APOD: variants seen among roughly 807,000 people sequenced by gnomAD.
The protein encoded by APOD is apo-D.
APOD carries 22 observed loss-of-function variants against 20.4 expected under a neutral mutation model. The ratio of observed to expected loss-of-function variants is 1.08; its 90% confidence interval spans 0.77 to 1.54. APOD has a LOEUF of 1.54. APOD is among the 40% of genes most tolerant of loss of function. APOD has a pLI of 0.00. For missense variants in APOD, 223 were observed against 229.6 expected, an observed-to-expected ratio of 0.97 and a Z score of 0.19; for synonymous variants, 97 against 92.4, an observed-to-expected ratio of 1.05 and a Z score of -0.29.
At chr3:195,579,024 C>A (rs1310677881) in intron 2 of APOD, among the ~76,000 whole-genome samples, 1 of 152,174 alleles carries the variant, frequency 6.6e-6, no homozygotes. Context: ...GGGGCATGCT[C>A]CACGTGTCCT....
chr3:195,573,747 G>A (rs904790703), intron 3 of APOD, 103 bp downstream of exon 3: 23 of 1,447,344 alleles, frequency 1.6e-5, no homozygotes, highest in African/African-American at 1.1e-4. Flanking sequence ...AGGCAGTCCC[G>A]ATCCAGCAAG....
At chr3:195,581,191 G>A (rs1009347083) in intron 1 of APOD, among the ~76,000 whole-genome samples, 4 of 152,166 alleles carry the variant, frequency 2.6e-5, no homozygotes, top group African/African-American at 9.7e-5. Flanking sequence ...TGTAAGGAGT[G>A]GCAGCTTGCC....
At chr3:195,581,646 T>G (rs75817880) in intron 1 of APOD, among the ~76,000 whole-genome samples, 24,228 of 152,212 alleles carry the variant, frequency 0.16, 2,410 homozygotes, top group Non-Finnish European at 0.23. Flanking sequence ...CGAATCTGCT[T>G]CTTCTGTGCA....
At chr3:195,569,737 T>C (rs999941526) in intron 4 of APOD, among the ~76,000 whole-genome samples, 2 of 151,324 alleles carry the variant, frequency 1.3e-5, no homozygotes, top group Non-Finnish European at 2.9e-5. Context: ...CCCCTCTTCA[T>C]GTACACTCCC....
At chr3:195,573,705 C>G (rs1257263760) in intron 3 of APOD, 145 bp downstream of exon 3, 17 of 1,092,368 alleles carry the variant, frequency 1.6e-5, no homozygotes, top group Non-Finnish European at 2.1e-5. Context: ...CCTTGCCTGC[C>G]AAACGCTTTC....
chr3:195,571,077 C>A, intron 4 of APOD, 200 bp downstream of exon 4: 1 of 601,384 alleles, frequency 1.7e-6, no homozygotes, highest in Non-Finnish European at 3.0e-6. Flanking sequence ...ATGTGAGCTC[C>A]ATAAGTACCA....
rs189499801 is a variant in APOD at position 195,577,012 on chromosome 3, C to T, written c.123+2327G>A. On this transcript the variant is annotated intron_variant, in intron 2 of 4. Coordinates refer to ENST00000343267, the MANE Select transcript of APOD (RefSeq NM_001647.4). Reference sequence around the variant, plus strand: ...CCAGCCTGGGCAACATGGTGAAACCCCGTCTTTACTAAAATACAAAAAAAC... The same window carrying T: ...CCAGCCTGGGCAACATGGTGAAACCTCGTCTTTACTAAAATACAAAAAAAC... 246 of 204,318 alleles carry T rather than the reference C, an allele frequency of 1.2e-3. 1 individual carries two copies. Among genetic ancestry groups the T allele is most frequent in the African/African-American group, 5.5e-3 (229 of 41,830 alleles). 12.7% of individuals were successfully genotyped at this position (204,318 alleles called of 1,614,324 possible). A position where few individuals can be genotyped will look rare whatever the true frequency, so the allele number is the denominator to read the frequency against.
chr3:195,571,147 G>C (rs892718428), intron 4 of APOD, 130 bp downstream of exon 4: 1 of 840,474 alleles, frequency 1.2e-6, no homozygotes, highest in Non-Finnish European at 2.0e-6. Context: ...GTAAGTGTTT[G>C]ACAGATAATT....
At chr3:195,570,183 G>T (rs989775579) in intron 4 of APOD, among the ~76,000 whole-genome samples, 1 of 151,982 alleles carries the variant, frequency 6.6e-6, no homozygotes, top group African/African-American at 2.4e-5. Context: ...TCCAATCCCC[G>T]TCCCTGATCC....
chr3:195,577,161 T>A (rs1560046185), intron 2 of APOD: 1 of 349,498 alleles, frequency 2.9e-6, no homozygotes, highest in Non-Finnish European at 5.5e-6. Context: ...CACTCCACCC[T>A]GGGTGACAAA....
chr3:195,578,870 CT>C (rs1720289498), intron 2 of APOD, among the ~76,000 whole-genome samples: 1 of 152,216 alleles, frequency 6.6e-6, no homozygotes, highest in Non-Finnish European at 1.5e-5. Context: ...CAGCCCACCT[CT>C]GAGTTCACCG....
At chr3:195,580,885 G>A (rs931901565) in intron 1 of APOD, among the ~76,000 whole-genome samples, 1 of 152,182 alleles carries the variant, frequency 6.6e-6, no homozygotes, top group African/African-American at 2.4e-5. Flanking sequence ...TCTGGGCATT[G>A]GAAGCTCCCC....
intron 4 of APOD, chr3:195,570,760 C>G (rs1221124656): frequency 6.2e-6 from 1 of 161,572 alleles, no homozygotes; most frequent in Non-Finnish European, 1.4e-5. Context: ...TCAGTTAGCT[C>G]AGAACCCAGA....
intron 3 of APOD, 71 bp from the exon 4 acceptor site, chr3:195,571,436 A>G: frequency 7.0e-7 from 1 of 1,435,774 alleles, no homozygotes. Context: ...ATTGAAAGCC[A>G]ATAAGCAACG....
At chr3:195,578,037 C>CCA (rs1720275189) in intron 2 of APOD, among the ~76,000 whole-genome samples, 1 of 152,180 alleles carries the variant, frequency 6.6e-6, no homozygotes, top group Non-Finnish European at 1.5e-5. Context: ...TGAAAAGCTA[C>CCA]TTTAAACAAG....
chr3:195,575,905 CG>C (rs1478506126), intron 2 of APOD, among the ~76,000 whole-genome samples: 1 of 152,124 alleles, frequency 6.6e-6, no homozygotes, highest in Non-Finnish European at 1.5e-5. Flanking sequence ...GGATTACAGG[CG>C]TGAGCCACCG....
At chr3:195,579,272 C>T in intron 2 of APOD, 67 bp downstream of exon 2, 1 of 1,598,508 alleles carries the variant, frequency 6.3e-7, no homozygotes, top group Non-Finnish European at 8.5e-7. Flanking sequence ...AGCATAATTA[C>T]ATTGAACCTT....
chr3:195,573,867 C>T lies in APOD; in HGVS notation c.228G>A (p.Val76=), dbSNP rs943505063. 2.5e-6 allele frequency: 4 copies of T among 1,614,084 alleles called. No homozygotes were observed. Among genetic ancestry groups the T allele is most frequent in the Middle Eastern group, 1.6e-4 (1 of 6,084 alleles). The change falls in exon 3 of 5, where the codon GTG becomes GTA. Residue 76 remains valine, a synonymous_variant. Coordinates refer to ENST00000343267, the MANE Select transcript of APOD (RefSeq NM_001647.4). ...CCACTCACCTCAACTCCTGGTTTAA[C>T]ACTTTGATCTTTCCGTTTTCCATTA... is the stretch of plus-strand genomic sequence containing the variant. ...YSLMENGKIK[V]LNQELRADGT... is the part of the protein sequence containing the mutation.
intron 3 of APOD, among the ~76,000 whole-genome samples, chr3:195,571,843 G>A (rs1451580105): frequency 2.0e-5 from 3 of 151,394 alleles, no homozygotes; most frequent in African/African-American, 4.9e-5. Flanking sequence ...GCAGTGGTGC[G>A]ATCTCGGCTT....
Sources: gnomAD v4.1 joint callset for allele counts (sites outside exome capture counted in the v4.1 genomes callset) on GRCh38, gnomAD v4.1.1 for gene constraint, MANE v1.5 for transcripts, NCBI Gene and HGNC (gene_info 2026-07-23, HGNC 2026-07-21) for gene names.